MIPEP: variants seen among roughly 807,000 people sequenced by gnomAD.
MIPEP encodes mitochondrial intermediate peptidase.
Under a neutral mutation model 90.3 loss-of-function variants are expected in MIPEP, and 79 were observed. The observed-to-expected ratio is 0.87, with a 90% CI of 0.73 to 1.05. The LOEUF is 1.05. Ranked by LOEUF, MIPEP falls within the 50% of genes least tolerant of loss-of-function variation. The pLI is 0.00. For synonymous variants in MIPEP, 334 were observed against 315.8 expected, an observed-to-expected ratio of 1.06 and a Z score of -0.61; for missense variants, 940 against 905.6, an observed-to-expected ratio of 1.04 and a Z score of -0.49.
intron 17 of MIPEP, 31 bp downstream of exon 17, chr13:23,760,065 G>A: frequency 1.2e-6 from 2 of 1,613,594 alleles, no homozygotes; most frequent in Non-Finnish European, 1.7e-6. Context: ...TGTGGTCCAA[G>A]ATGGGGACAT....
At chr13:23,846,055 T>C (rs575963297) in intron 10 of MIPEP, among the ~76,000 whole-genome samples, 3 of 152,204 alleles carry the variant, frequency 2.0e-5, no homozygotes, top group African/African-American at 7.2e-5. Context: ...TTTTGGTAGA[T>C]ACGGGCCTCT....
rs773425680 is a variant in MIPEP, at chr13:23,841,377, C to T, written c.1218G>A (p.Gln406=). The T allele has an allele frequency of 4.3e-6, 7 of 1,613,864 alleles. No homozygotes were observed. The East Asian group carries it at 1.6e-4, about 36-fold the overall frequency. ...CGCTCCACACCTCTCCTTTTGCAGGCTGCTCTGCATATAATGAAATCCCCA... is the reference window on the plus strand; with the variant it reads ...CGCTCCACACCTCTCCTTTTGCAGGTTGCTCTGCATATAATGAAATCCCCA... ...RLLGISLYAE[Q]PAKGEVWSED... The change falls in exon 11 of 19, where the codon CAG becomes CAA. Residue 406 remains glutamine (Q), a synonymous_variant. Coordinates refer to ENST00000382172, the MANE Select transcript of MIPEP (RefSeq NM_005932.4).
chr13:23,840,373 A>T (rs1167588405), intron 11 of MIPEP, among the ~76,000 whole-genome samples: 1 of 152,200 alleles, frequency 6.6e-6, no homozygotes, highest in Non-Finnish European at 1.5e-5. Flanking sequence ...GAACTCTTCA[A>T]GACACTGAGG....
chr13:23,775,970 C>A (rs948337895), intron 16 of MIPEP, among the ~76,000 whole-genome samples: 1 of 152,140 alleles, frequency 6.6e-6, no homozygotes, highest in Non-Finnish European at 1.5e-5. Flanking sequence ...TGATGTAGAT[C>A]ATTCCAGCAG....
intron 17 of MIPEP, among the ~76,000 whole-genome samples, chr13:23,759,783 A>C (rs931527403): frequency 2.0e-5 from 3 of 152,102 alleles, no homozygotes; most frequent in African/African-American, 7.2e-5. Context: ...AAGAAAACCC[A>C]CAGGAGCAGC....
chr13:23,792,832 T>A (rs1952912880), intron 16 of MIPEP, among the ~76,000 whole-genome samples: 1 of 152,186 alleles, frequency 6.6e-6, no homozygotes, highest in African/African-American at 2.4e-5. Flanking sequence ...GACATTCAAG[T>A]GGCCTCTGAA....
At chr13:23,854,055 G>A (rs965107403) in intron 10 of MIPEP, among the ~76,000 whole-genome samples, 1 of 151,868 alleles carries the variant, frequency 6.6e-6, no homozygotes, top group African/African-American at 2.4e-5. Context: ...GCCAGGCGCG[G>A]TGGCTCACGC....
intron 16 of MIPEP, among the ~76,000 whole-genome samples, chr13:23,774,575 C>A (rs1393563785): frequency 6.6e-6 from 1 of 152,038 alleles, no homozygotes; most frequent in East Asian, 1.9e-4. Context: ...GGTCTTCTTT[C>A]TTTCAATAAT....
At chr13:23,877,575 A>G (rs1180947486) in intron 4 of MIPEP, among the ~76,000 whole-genome samples, 10 of 152,224 alleles carry the variant, frequency 6.6e-5, no homozygotes, top group Admixed American at 6.5e-4. Context: ...TTGATACATC[A>G]GATTTCCAAA....
At chr13:23,757,901 C>T (rs374487235) in intron 17 of MIPEP, among the ~76,000 whole-genome samples, 124 of 152,320 alleles carry the variant, frequency 8.1e-4, no homozygotes, top group African/African-American at 2.9e-3. Flanking sequence ...CTTTAACATA[C>T]ATGACTACAT....
At chr13:23,813,132 A>T (rs184487022) in intron 14 of MIPEP, among the ~76,000 whole-genome samples, 114 of 152,352 alleles carry the variant, frequency 7.5e-4, no homozygotes, top group Middle Eastern at 6.8e-3. Flanking sequence ...AAAAAAACTT[A>T]AATACCATAC....
chr13:23,785,256 T>C (rs1270591698), intron 16 of MIPEP, among the ~76,000 whole-genome samples: 1 of 152,046 alleles, frequency 6.6e-6, no homozygotes. Context: ...CCAACAATGA[T>C]AGACTGGATT....
chr13:23,856,355 G>A (rs538942287), intron 10 of MIPEP, among the ~76,000 whole-genome samples: 1 of 152,282 alleles, frequency 6.6e-6, no homozygotes, highest in African/African-American at 2.4e-5. Context: ...GAGCAGCGGT[G>A]GAAGAAAAAT....
intron 10 of MIPEP, among the ~76,000 whole-genome samples, 164 bp downstream of exon 10, chr13:23,858,696 C>A (rs1419454620): frequency 6.6e-6 from 1 of 152,070 alleles, no homozygotes; most frequent in African/African-American, 2.4e-5. Context: ...GGAAATGATA[C>A]AAGCAGCTGA....
intron 10 of MIPEP, chr13:23,842,216 G>A (rs540795881): frequency 6.6e-6 from 1 of 151,968 alleles, no homozygotes; most frequent in East Asian, 1.9e-4. Context: ...AATATTGTAG[G>A]TTCTCATTAT....
intron 2 of MIPEP, among the ~76,000 whole-genome samples, chr13:23,885,944 T>G (rs1333768845): frequency 6.6e-6 from 1 of 151,202 alleles, no homozygotes; most frequent in Non-Finnish European, 1.5e-5. Context: ...AGGGGAATTT[T>G]GTTGTAAATG....
intron 8 of MIPEP, 70 bp from the exon 9 acceptor site, chr13:23,862,432 G>A (rs1026775421): frequency 1.2e-6 from 1 of 844,156 alleles, no homozygotes; most frequent in African/African-American, 1.7e-5. Flanking sequence ...GGACTAGTTT[G>A]CTTATGTTAC....
intron 14 of MIPEP, among the ~76,000 whole-genome samples, chr13:23,827,934 A>G (rs1218452840): frequency 6.6e-6 from 1 of 152,228 alleles, no homozygotes; most frequent in Admixed American, 6.5e-5. Flanking sequence ...CTGTCTCAAA[A>G]AAATAAATAA....
Position 23,767,598 on chromosome 13 carries a change from C to T in MIPEP, c.1849-7381G>A, listed in dbSNP as rs540298115. Among the ~76,000 whole-genome samples the T allele has an allele frequency of 1.8e-4, 28 of 152,000 alleles. No individual in the cohort carries two copies. The Middle Eastern group carries it at 0.014, about 74-fold the overall frequency. ...TCCCAAGTAGCTGGGACTACAGGCACGTGCCACCATGCCCAGCTAATTTTT... is the reference window on the plus strand; with the variant it reads ...TCCCAAGTAGCTGGGACTACAGGCATGTGCCACCATGCCCAGCTAATTTTT... On this transcript the variant is annotated intron_variant, in intron 16 of 18. Coordinates refer to ENST00000382172, the MANE Select transcript of MIPEP (RefSeq NM_005932.4).
Sources: allele counts gnomAD v4.1 joint callset (sites outside exome capture counted in the v4.1 genomes callset), GRCh38; gene constraint gnomAD v4.1.1; transcripts MANE v1.5; gene names NCBI Gene and HGNC (gene_info 2026-07-23, HGNC 2026-07-21).